Variants in PPP3CC observed in about 807,000 individuals in gnomAD.
PPP3CC encodes protein phosphatase 3 catalytic subunit gamma, also known as serine/threonine-protein phosphatase 2B catalytic subunit gamma isoform.
PPP3CC carries 35 observed loss-of-function variants against 60.3 expected under a neutral mutation model. That is an observed-to-expected ratio of 0.58 (90% confidence interval 0.44 to 0.77). The LOEUF is 0.77. Ranked by LOEUF, PPP3CC falls within the 30% of genes least tolerant of loss-of-function variation. The pLI is 0.00. For synonymous variants in PPP3CC, 206 were observed against 224.3 expected (o/e 0.92, Z 0.73); for missense variants, 570 against 628.9 (o/e 0.91, Z 1.00).
intron 1 of PPP3CC, among the ~76,000 whole-genome samples, chr8:22,468,772 T>C (rs1327489070): frequency 6.6e-6 from 1 of 152,222 alleles, no homozygotes; most frequent in African/African-American, 2.4e-5. Context: ...TCCTTTTAAA[T>C]AGAGAAAGTA....
chr8:22,495,356 G>T (rs751231196), intron 3 of PPP3CC, among the ~76,000 whole-genome samples: 9 of 152,048 alleles, frequency 5.9e-5, no homozygotes, highest in Non-Finnish European at 7.4e-5. Context: ...TCATAGCTTA[G>T]CGTCTCTCCT....
intron 13 of PPP3CC, 56 bp downstream of exon 13, chr8:22,539,554 G>A (rs1031001171): frequency 1.8e-5 from 27 of 1,538,104 alleles, no homozygotes; most frequent in Middle Eastern, 3.6e-4. Context: ...CTGGTTTTTC[G>A]AAGCTTTATC....
chr8:22,533,083 AC>A (rs1299897095), intron 12 of PPP3CC, 65 bp downstream of exon 12: 1 of 1,229,810 alleles, frequency 8.1e-7, no homozygotes, highest in Non-Finnish European at 1.1e-6. Flanking sequence ...GCACACACTT[AC>A]AAATGGGGGC....
chr8:22,444,583 G>GT (rs1017947812), intron 1 of PPP3CC, among the ~76,000 whole-genome samples: 2 of 152,142 alleles, frequency 1.3e-5, no homozygotes, highest in African/African-American at 4.8e-5. Flanking sequence ...GTTCTGTCTG[G>GT]TACTCCCTAG....
At chr8:22,498,166 A>G (rs1838645899) in intron 4 of PPP3CC, 54 bp downstream of exon 4, 4 of 1,146,914 alleles carry the variant, frequency 3.5e-6, no homozygotes, top group Non-Finnish European at 3.7e-6. Flanking sequence ...ACCTGTCCGA[A>G]GTAAATCAAA....
At chr8:22,480,297 C>T (rs1838022937) in intron 3 of PPP3CC, among the ~76,000 whole-genome samples, 1 of 151,876 alleles carries the variant, frequency 6.6e-6, no homozygotes, top group African/African-American at 2.4e-5. Context: ...ATTTTTGAAA[C>T]ATTTATGTTA....
chr8:22,454,566 C>T (rs955995062), intron 1 of PPP3CC, among the ~76,000 whole-genome samples: 1 of 152,088 alleles, frequency 6.6e-6, no homozygotes, highest in African/African-American at 2.4e-5. Flanking sequence ...ACTGGCAGTG[C>T]AGTAGGTTTG....
intron 3 of PPP3CC, among the ~76,000 whole-genome samples, chr8:22,476,830 G>T (rs1292761204): frequency 6.6e-6 from 1 of 151,890 alleles, no homozygotes; most frequent in Non-Finnish European, 1.5e-5. Flanking sequence ...TACTTGGGAG[G>T]CTGAGGCAGG....
At chr8:22,498,564 C>T (rs1375682754) in intron 4 of PPP3CC, among the ~76,000 whole-genome samples, 2 of 152,120 alleles carry the variant, frequency 1.3e-5, no homozygotes, top group Non-Finnish European at 2.9e-5. Context: ...TTCAGGTATA[C>T]ATATATCTGT....
chr8:22,520,664 T>C (rs1321604879), intron 6 of PPP3CC, among the ~76,000 whole-genome samples: 1 of 152,190 alleles, frequency 6.6e-6, no homozygotes, highest in Non-Finnish European at 1.5e-5. Context: ...TTTGCTTCTT[T>C]TTTATGGTTT....
Position 22,532,965 on chromosome 8 carries a change from C to T in PPP3CC, c.1268C>T (p.Thr423Ile), listed in dbSNP as rs766088656. 2 of 1,606,364 alleles carry T rather than the reference C, an allele frequency of 1.2e-6. No homozygotes were observed. Among genetic ancestry groups the T allele is most frequent in the South Asian group, 2.2e-5 (2 of 90,120 alleles). Residue 423 changes from threonine (T) to isoleucine (I), a missense_variant, in exon 12 of 14, where the codon ACA becomes ATA. By Grantham distance (89) the Thr-to-Ile change is moderately conservative. Transcript: ENST00000240139. ...CTGACTCTCAAGGGCCTGACTCCCA[C>T]AGGCACACTCCCTCTGGGCGTCCTC... is the stretch of plus-strand genomic sequence containing the variant. ...SVLTLKGLTPTGTLPLGVLSG... is the reference protein window; with the variant it reads ...SVLTLKGLTPIGTLPLGVLSG...
At chr8:22,458,336 G>A (rs28511282) in intron 1 of PPP3CC, among the ~76,000 whole-genome samples, 10,757 of 152,084 alleles carry the variant, frequency 0.071, 452 homozygotes, top group African/African-American at 0.11. Flanking sequence ...GGTGGCTCAC[G>A]CCTGTAATCC....
At chr8:22,528,466 C>CA (rs1563785329) in intron 9 of PPP3CC, 40 bp from the exon 10 acceptor site, 1 of 1,364,660 alleles carries the variant, frequency 7.3e-7, no homozygotes. Flanking sequence ...GAAAGTACCT[C>CA]ATTAATCGCG....
intron 1 of PPP3CC, among the ~76,000 whole-genome samples, chr8:22,453,193 A>G (rs1430761048): frequency 1.3e-5 from 2 of 152,238 alleles, no homozygotes; most frequent in Non-Finnish European, 2.9e-5. Flanking sequence ...AGTGCTTAGC[A>G]TAATGCCCAT....
At position 22,452,735 on chromosome 8, in the gene PPP3CC, A is replaced by G. The variant is rs1297719882; in HGVS notation, c.49+11277A>G. Among the ~76,000 whole-genome samples the G allele has an allele frequency of 2.0e-5, 3 of 152,174 alleles. No homozygotes were observed. In the East Asian group the frequency reaches 5.8e-4, roughly 29 times the overall value. On this transcript the variant is annotated intron_variant, in intron 1 of 13. Transcript: ENST00000240139. ...ACCTGCATTTCTTTATGTGTAGAAG[A>G]GGGATAATGAAACTTGCAGTGGCAA...
intron 1 of PPP3CC, among the ~76,000 whole-genome samples, chr8:22,459,680 C>T (rs1324803537): frequency 6.6e-6 from 1 of 151,998 alleles, no homozygotes; most frequent in Non-Finnish European, 1.5e-5. Context: ...AGAAGAAGTA[C>T]AAGAGATTAT....
intron 3 of PPP3CC, among the ~76,000 whole-genome samples, chr8:22,493,267 C>G (rs1200346180): frequency 6.6e-6 from 1 of 151,774 alleles, no homozygotes; most frequent in Non-Finnish European, 1.5e-5. Flanking sequence ...CACTGCAGCT[C>G]TTTTCAGTTT....
In PPP3CC at chr8:22,477,760, T is replaced by G. The variant is rs566401998; in HGVS notation, c.372+2136T>G. The stretch of plus-strand genomic sequence containing the variant: ...TTCAAGCCATCCTCCTGCCTCAGCT[T>G]CCTGAGTATATGGAACTATAGATGC... On this transcript the variant is annotated intron_variant, in intron 3 of 13. Coordinates refer to ENST00000240139, the MANE Select transcript of PPP3CC (RefSeq NM_005605.5). 4.6e-5 allele frequency among the ~76,000 whole-genome samples: 7 copies of G among 152,284 alleles called. No homozygotes were observed. The South Asian group carries it at 1.2e-3, about 27-fold the overall frequency.
At chr8:22,499,299 C>T (rs1353523677) in intron 4 of PPP3CC, among the ~76,000 whole-genome samples, 4 of 148,724 alleles carry the variant, frequency 2.7e-5, no homozygotes, top group Non-Finnish European at 5.9e-5. Flanking sequence ...ATTAGCCGGG[C>T]GCGGTGGCGG....
Sources: allele counts gnomAD v4.1 joint callset (sites outside exome capture counted in the v4.1 genomes callset), GRCh38; gene constraint gnomAD v4.1.1; transcripts MANE v1.5; gene names NCBI Gene and HGNC (gene_info 2026-07-23, HGNC 2026-07-21).